PITPNM1: variants seen among roughly 807,000 people sequenced by gnomAD.
PITPNM1 encodes the protein phosphatidylinositol transfer protein membrane associated 1, also known as membrane-associated phosphatidylinositol transfer protein 1.
Under a neutral mutation model 133.3 loss-of-function variants are expected in PITPNM1, and 74 were observed. The ratio of observed to expected loss-of-function variants is 0.56; its 90% CI spans 0.46 to 0.67. The LOEUF (loss-of-function observed/expected upper bound fraction) is 0.67, where lower values mean the gene tolerates loss of function less well. Among genes scored for constraint, PITPNM1 ranks in the 30% least tolerant of loss-of-function variants. The pLI is 0.00. For missense variants in PITPNM1, 1,398 were observed against 1,739.5 expected, an observed-to-expected ratio of 0.80 and a Z score of 3.49; for synonymous variants, 738 against 741.4, an observed-to-expected ratio of 1.00 and a Z score of 0.08.
Position 67,493,672 on chromosome 11 carries a change from C to T in PITPNM1, c.3158+16G>A. On this transcript the variant is annotated intron_variant, in intron 21 of 23. Transcript: ENST00000356404. ...ACCCCGGTGAAATGGGTGGTGGTGGCAGTGGCAACTCCTACCTGACCACGT... is the reference window on the plus strand; with the variant it reads ...ACCCCGGTGAAATGGGTGGTGGTGGTAGTGGCAACTCCTACCTGACCACGT... The T allele has an allele frequency of 6.5e-7, 1 of 1,545,428 alleles. No individual in the cohort carries two copies. The highest frequency in any genetic ancestry group is 8.7e-7 in the Non-Finnish European group (1 of 1,146,820).
Position 67,504,827 on chromosome 11 carries a change from A to C in PITPNM1, c.-42+361T>G, listed in dbSNP as rs543610161. 2 of 152,790 alleles carry C rather than the reference A, an allele frequency of 1.3e-5. No homozygotes were observed. Among genetic ancestry groups the C allele is most frequent in the East Asian group, 3.9e-4 (2 of 5,158 alleles). 9.5% of individuals were successfully genotyped at this position (152,790 alleles called of 1,614,324 possible). Reference sequence around the variant, plus strand: ...ACCGGTAATCTCCTCCGCCCTCCAGATCTGCCTTCTTGGGCAGCCGGGTCC... The same window carrying C: ...ACCGGTAATCTCCTCCGCCCTCCAGCTCTGCCTTCTTGGGCAGCCGGGTCC... On this transcript the variant is annotated intron_variant, in intron 1 of 23. Transcript: ENST00000356404. This position sits in a 1 kb window ranked among gnomAD's most constrained non-coding sequence, Gnocchi z 5.4.
rs1866053022 is a variant in PITPNM1 at position 67,494,769 on chromosome 11, G to C, written c.2742+77C>G. ...CTAGGACCCGAGGAGGGGGGTGCTGGGGGGAGGGGCGGGGCCTCTCTGGTG... is the reference window on the plus strand; with the variant it reads ...CTAGGACCCGAGGAGGGGGGTGCTGCGGGGAGGGGCGGGGCCTCTCTGGTG... On this transcript the variant is annotated intron_variant, in intron 18 of 23. Transcript: ENST00000356404. The C allele has an allele frequency of 6.9e-6, 6 of 871,578 alleles. No homozygotes were observed. In the South Asian group the frequency reaches 8.8e-5, roughly 13 times the overall value. The allele number at this position is 871,578 out of a possible 1,614,324, so 54.0% of individuals were successfully genotyped here. A position where few individuals can be genotyped will look rare whatever the true frequency, so the allele number is the denominator to read the frequency against.
In PITPNM1 at chr11:67,502,995, G is replaced by A. The variant is rs1375903737; in HGVS notation, c.79-277C>T. On this transcript the variant is annotated intron_variant, in intron 2 of 23. Transcript: ENST00000356404. This position sits in a 1 kb window ranked among gnomAD's most constrained non-coding sequence, Gnocchi z 5.9. ...CAGTGTTTGGGATTATATCAATTGA[G>A]ATATATTGATGAATAGAACAAAGAT... Among the ~76,000 whole-genome samples the A allele has an allele frequency of 1.3e-5, 2 of 152,212 alleles. No individual in the cohort carries two copies. The highest frequency in any genetic ancestry group is 4.8e-5 in the African/African-American group (2 of 41,436).
chr11:67,494,994 G>A lies in PITPNM1; in HGVS notation c.2632-38C>T, dbSNP rs778857209. On this transcript the variant is annotated intron_variant, in intron 17 of 23. Transcript: ENST00000356404. Reference sequence around the variant, plus strand: ...GGGGGCGAGGCCTCTGTCTCTTAGGGGAGGGAGGGCTGCCCCTCCCCCGGC... The same window carrying A: ...GGGGGCGAGGCCTCTGTCTCTTAGGAGAGGGAGGGCTGCCCCTCCCCCGGC... The A allele has an allele frequency of 2.1e-5, 33 of 1,604,012 alleles. No individual in the cohort carries two copies. The South Asian group carries it at 3.5e-4, about 17-fold the overall frequency.
In PITPNM1 at chr11:67,495,128, G is replaced by C; in HGVS notation, c.2580C>G (p.Phe860Leu). ...AFPTVTLPHLFHASYWESADV... is the reference protein window; with the variant it reads ...AFPTVTLPHLLHASYWESADV... ...CGGCGGACTCCCAGTAGCTGGCGTG[G>C]AAGAGGTGGGGCAGCGTGACGGTGG... The change falls in exon 17 of 24, where the codon TTC becomes TTG. Residue 860 changes from phenylalanine (F) to leucine (L), a missense_variant. By Grantham distance (22) the Phe-to-Leu change is conservative (BLOSUM62 0). Around this residue, in one of 5 missense-constraint regions of PITPNM1, gnomAD observed 574 missense variants for 698.7 expected, o/e 0.82. Coordinates refer to ENST00000356404, the MANE Select transcript of PITPNM1 (RefSeq NM_004910.3). 6.2e-7 allele frequency: 1 copy of C among 1,612,848 alleles called. No homozygotes were observed. The highest frequency in any genetic ancestry group is 8.5e-7 in the Non-Finnish European group (1 of 1,179,918).
intron 8 of PITPNM1, among the ~76,000 whole-genome samples, chr11:67,499,428 T>G (rs1222217762): frequency 6.6e-6 from 1 of 151,410 alleles, no homozygotes; most frequent in Non-Finnish European, 1.5e-5. Flanking sequence ...TGCTGGACAG[T>G]GCTGGCCCAA....
At position 67,499,917 on chromosome 11, in the gene PITPNM1, G is replaced by A; in HGVS notation, c.1060C>T (p.His354Tyr). 1 of 1,611,734 alleles carries A rather than the reference G, an allele frequency of 6.2e-7. No homozygotes were observed. Among genetic ancestry groups the A allele is most frequent in the Non-Finnish European group, 8.5e-7 (1 of 1,179,186 alleles). The stretch of plus-strand genomic sequence containing the variant: ...CAAAAAGGGCCTCAGTGCTGACCGT[G>A]GGCATCAAAGAACTCTTCCTCGGAG... ...NSSEEEFFDA[H>Y]EGFSDSEEVF... is the part of the protein sequence containing the mutation. Residue 354 changes from histidine (H) to tyrosine (Y), a missense_variant, in exon 7 of 24, where the codon CAC becomes TAC. Physicochemically the swap from His to Tyr is moderately conservative, Grantham distance 83 (BLOSUM62 2). This residue lies in a region of PITPNM1 where 195 missense variants were observed against 178.8 expected (regional missense o/e 1.09). Coordinates refer to ENST00000356404, the MANE Select transcript of PITPNM1 (RefSeq NM_004910.3).
rs1383563078 is a variant in PITPNM1 at position 67,498,417 on chromosome 11, G to C, written c.1485-95C>G. 2.2e-6 allele frequency: 3 copies of C among 1,392,142 alleles called. No homozygotes were observed. The East Asian group carries it at 7.2e-5, about 34-fold the overall frequency. The allele number at this position is 1,392,142 out of a possible 1,614,324, so 86.2% of individuals were successfully genotyped here. On this transcript the variant is annotated intron_variant, in intron 10 of 23. Coordinates refer to ENST00000356404, the MANE Select transcript of PITPNM1 (RefSeq NM_004910.3). This position sits in a 1 kb window ranked among gnomAD's most constrained non-coding sequence, Gnocchi z 5.7. ...CCTGCTGGCAGGCCCTGGCTCTGTG[G>C]GTCCTCTGTGGGGAGCGTTAGCCCC... is the stretch of plus-strand genomic sequence containing the variant.
At position 67,492,280 on chromosome 11, in the gene PITPNM1, T is replaced by C; in HGVS notation, c.3488A>G (p.Tyr1163Cys). Residue 1163 changes from tyrosine (Y) to cysteine (C), a missense_variant, in exon 24 of 24, where the codon TAT becomes TGT. By Grantham distance (194) the Tyr-to-Cys change is radical. This residue lies in a region of PITPNM1 where 122 missense variants were observed against 123.3 expected (regional missense o/e 0.99). Transcript: ENST00000356404. ...QAQCQFLSDG[Y>C]VAHLGQLEAG... ...TTCCAGCTGGCCCAGGTGGGCCACATAGCCGTCTGACAGGAACTGTGGGCA... is the reference window on the plus strand; with the variant it reads ...TTCCAGCTGGCCCAGGTGGGCCACACAGCCGTCTGACAGGAACTGTGGGCA... The C allele has an allele frequency of 6.3e-7, 1 of 1,577,948 alleles. No homozygotes were observed. The highest frequency in any genetic ancestry group is 8.6e-7 in the Non-Finnish European group (1 of 1,160,082).
chr11:67,497,752 A>G lies in PITPNM1; in HGVS notation c.1783-73T>C, dbSNP rs1591059380. The G allele has an allele frequency of 1.1e-5, 18 of 1,580,292 alleles. No individual in the cohort carries two copies. In the East Asian group the frequency reaches 4.0e-4, roughly 35 times the overall value. On this transcript the variant is annotated intron_variant, in intron 12 of 23. Coordinates refer to ENST00000356404, the MANE Select transcript of PITPNM1 (RefSeq NM_004910.3). The stretch of plus-strand genomic sequence containing the variant: ...GAATTCTACTTACTTAGAAGTGAGG[A>G]GCGAGGCTTGGGGGTTGGGCAGAGC...
rs574744358 is a variant in PITPNM1 at position 67,503,529 on chromosome 11, G to A, written c.78+574C>T. 1.7e-3 allele frequency among the ~76,000 whole-genome samples: 255 copies of A among 152,320 alleles called. 2 individuals carry two copies. The highest frequency in any genetic ancestry group is 3.5e-3 in the Admixed American group (54 of 15,308). ...CTCAGATGGCCCTTTCAAGCCCGAG[G>A]CGGGGTCCGGGCCCTCTTGCTTTAT... On this transcript the variant is annotated intron_variant, in intron 2 of 23. Transcript: ENST00000356404.
chr11:67,493,426 T>C lies in PITPNM1; in HGVS notation c.3326A>G (p.Gln1109Arg), dbSNP rs1337290332. 1 of 1,595,442 alleles carries C rather than the reference T, an allele frequency of 6.3e-7. No homozygotes were observed. The highest frequency in any genetic ancestry group is 8.6e-7 in the Non-Finnish European group (1 of 1,168,422). The change falls in exon 22 of 24, where the codon CAG (glutamine) becomes CGG (arginine). Residue 1109 changes from glutamine to arginine, a missense_variant. Physicochemically the swap from Gln to Arg is conservative, Grantham distance 43. This residue lies in a region of PITPNM1 where 233 missense variants were observed against 378.0 expected (regional missense o/e 0.62). Transcript: ENST00000356404. ...CCGCCGCACCTCCTGCACCAGGCTC[T>C]GCAGAAACATTGCCTTCTGGCGTAG... ...DPLRQKAMFL[Q>R]SLVQEVELNI...
In PITPNM1 at chr11:67,502,477, C is replaced by T. The variant is rs758845397; in HGVS notation, c.293+27G>A. On this transcript the variant is annotated intron_variant, in intron 3 of 23. Transcript: ENST00000356404. This position sits in a 1 kb window ranked among gnomAD's most constrained non-coding sequence, Gnocchi z 5.9. Reference sequence around the variant, plus strand: ...ACCAGGGCCGCTCCCCTCCTGGCCTCGGACCATGCCCAGCTCACCCACTCA... The same window carrying T: ...ACCAGGGCCGCTCCCCTCCTGGCCTTGGACCATGCCCAGCTCACCCACTCA... The T allele has an allele frequency of 1.1e-5, 17 of 1,613,496 alleles. No homozygotes were observed. In the South Asian group the frequency reaches 1.1e-4, roughly 10 times the overall value.
At chr11:67,496,055 G>T in intron 15 of PITPNM1, 123 bp downstream of exon 15, 1 of 941,776 alleles carries the variant, frequency 1.1e-6, no homozygotes, top group Non-Finnish European at 1.5e-6. Context: ...GGAGCGCCTG[G>T]TCCTGGGAGT....
At chr11:67,503,987 A>AG (rs996625784) in intron 2 of PITPNM1, 116 bp downstream of exon 2, 4 of 685,888 alleles carry the variant, frequency 5.8e-6, no homozygotes, top group East Asian at 3.0e-5. Context: ...CCACATCTGA[A>AG]GGGGGGCCTC....
Position 67,502,755 on chromosome 11 carries a change from C to T in PITPNM1, c.79-37G>A. 2 of 1,589,348 alleles carry T rather than the reference C, an allele frequency of 1.3e-6. No individual in the cohort carries two copies. The highest frequency in any genetic ancestry group is 1.3e-5 in the African/African-American group (1 of 74,610). ...GGGAGAGCAGGACAGGGAGCTCAGC[C>T]CCAGCTTAGCATCTGGGATCCCCAG... On this transcript the variant is annotated intron_variant, in intron 2 of 23. Transcript: ENST00000356404. The surrounding 1 kb of genome is among the most constrained non-coding windows in gnomAD (Gnocchi z 5.9).
Position 67,504,413 on chromosome 11 carries a change from T to A in PITPNM1, c.-41-192A>T, listed in dbSNP as rs1374717513. The A allele has an allele frequency of 2.0e-5, 4 of 196,804 alleles. No individual in the cohort carries two copies. The highest frequency in any genetic ancestry group is 3.1e-5 in the Non-Finnish European group (3 of 97,506). The allele number at this position is 196,804 out of a possible 1,614,324, so 12.2% of individuals were successfully genotyped here. A position where few individuals can be genotyped will look rare whatever the true frequency, so the allele number is the denominator to read the frequency against. ...GCAGCGAGGCTGAGCGCTGACCTCT[T>A]TTCCGCGCAGCCCCCGCCCCCCGCC... On this transcript the variant is annotated intron_variant, in intron 1 of 23. Transcript: ENST00000356404. This position sits in a 1 kb window ranked among gnomAD's most constrained non-coding sequence, Gnocchi z 5.4.
Position 67,494,869 on chromosome 11 carries a change from T to C in PITPNM1, c.2719A>G (p.Lys907Glu). Residue 907 changes from lysine (K) to glutamate (E), a missense_variant, in exon 18 of 24, where the codon AAA (lysine) becomes GAA (glutamate). Coordinates refer to ENST00000356404, the MANE Select transcript of PITPNM1 (RefSeq NM_004910.3). Reference protein sequence around the residue: ...PAFPREKWQRKRTQVKIRNVT... With the variant: ...PAFPREKWQRERTQVKIRNVT... ...ACCCGGATCTTGACCTGCGTGCGTT[T>C]TCGCTGCCACTTCTCCCTGGGGAAG... is the stretch of plus-strand genomic sequence containing the variant. The C allele has an allele frequency of 6.2e-7, 1 of 1,612,848 alleles. No individual in the cohort carries two copies. The highest frequency in any genetic ancestry group is 8.5e-7 in the Non-Finnish European group (1 of 1,179,774).
At position 67,498,042 on chromosome 11, in the gene PITPNM1, C is replaced by T. The variant is rs1254882282; in HGVS notation, c.1675-18G>A. 31 of 1,608,602 alleles carry T rather than the reference C, an allele frequency of 1.9e-5. No homozygotes were observed. The East Asian group carries it at 5.3e-4, about 28-fold the overall frequency. ...AGTGCGACCTGGGTGGGAGCAGGGGCACCATCAGGAGAGGCCTTGTCCTCA... is the reference window on the plus strand; with the variant it reads ...AGTGCGACCTGGGTGGGAGCAGGGGTACCATCAGGAGAGGCCTTGTCCTCA... On this transcript the variant is annotated intron_variant, in intron 11 of 23. Coordinates refer to ENST00000356404, the MANE Select transcript of PITPNM1 (RefSeq NM_004910.3). The surrounding 1 kb of genome is among the most constrained non-coding windows in gnomAD (Gnocchi z 5.7).
Sources: allele counts gnomAD v4.1 joint callset (sites outside exome capture counted in the v4.1 genomes callset), GRCh38; gene constraint gnomAD v4.1.1; regional missense constraint gnomAD v4.1.1; non-coding constraint Gnocchi (gnomAD v3.1); transcripts MANE v1.5; gene names NCBI Gene and HGNC (gene_info 2026-07-23, HGNC 2026-07-21).